POU2F1: variants seen among roughly 807,000 people sequenced by gnomAD.
POU2F1 encodes the protein POU domain, class 2, transcription factor 1.
POU2F1 carries 16 observed loss-of-function variants against 84.9 expected under a neutral mutation model. The observed-to-expected ratio is 0.19, with a 90% CI of 0.13 to 0.29. The LOEUF (loss-of-function observed/expected upper bound fraction) is 0.29. POU2F1 is among the 10% of genes least tolerant of loss of function. POU2F1 has a pLI of 1.00. For synonymous variants in POU2F1, 368 were observed against 368.3 expected, an observed-to-expected ratio of 1.00 and a Z score of 0.01; for missense variants, 738 against 942.6, an observed-to-expected ratio of 0.78 and a Z score of 2.84.
At chr1:167,293,364 A>G (rs1349892835) in intron 1 of POU2F1, among the ~76,000 whole-genome samples, 1 of 152,134 alleles carries the variant, frequency 6.6e-6, no homozygotes, top group Non-Finnish European at 1.5e-5. Context: ...CAAGAACCCA[A>G]TCCCCTTTAC....
At chr1:167,405,915 A>G (rs1557964271) in intron 13 of POU2F1, among the ~76,000 whole-genome samples, 2 of 152,258 alleles carry the variant, frequency 1.3e-5, no homozygotes, top group Non-Finnish European at 2.9e-5. Context: ...GACAACTGAG[A>G]TAAACTAGAA....
chr1:167,321,792 T>G (rs1308594182), intron 1 of POU2F1, among the ~76,000 whole-genome samples: 12 of 152,196 alleles, frequency 7.9e-5, no homozygotes, highest in Admixed American at 7.9e-4. Flanking sequence ...TGCAGATTTT[T>G]TCCTAGTCCC....
chr1:167,316,476 AC>A (rs1349758529), intron 1 of POU2F1, among the ~76,000 whole-genome samples: 1 of 152,230 alleles, frequency 6.6e-6, no homozygotes, highest in Non-Finnish European at 1.5e-5. Context: ...GGATAGGTAG[AC>A]TTTTCACGAA....
At chr1:167,222,146 G>A (rs1465079233) in intron 1 of POU2F1, among the ~76,000 whole-genome samples, 1 of 152,136 alleles carries the variant, frequency 6.6e-6, no homozygotes, top group African/African-American at 2.4e-5. Context: ...GTAAAGGGCT[G>A]CCCTCCTGCC....
chr1:167,313,141 G>A lies in POU2F1; in HGVS notation c.62-19329G>A, dbSNP rs375097842. On this transcript the variant is annotated intron_variant, in intron 1 of 15. Transcript: ENST00000367866. ...CCAACAAAACATGTACAGGAAGTGC[G>A]TGCTGAGAACCACAAAATGCTGATG... Among the ~76,000 whole-genome samples, 13 of 152,286 alleles carry A rather than the reference G, an allele frequency of 8.5e-5. No individual in the cohort carries two copies. The East Asian group carries it at 1.3e-3, about 16-fold the overall frequency.
In POU2F1 at chr1:167,412,226, C is replaced by A. The variant is rs1181359618; in HGVS notation, c.1823C>A (p.Ala608Glu). 1 of 1,607,316 alleles carries A rather than the reference C, an allele frequency of 6.2e-7. No individual in the cohort carries two copies. Among genetic ancestry groups the A allele is most frequent in the Non-Finnish European group, 8.5e-7 (1 of 1,176,646 alleles). The change falls in exon 14 of 16, where the codon GCA (alanine) becomes GAA (glutamate). Residue 608 changes from alanine to glutamate, a missense_variant. By Grantham distance (107) the Ala-to-Glu change is moderately radical. Around this residue, in one of 4 missense-constraint regions of POU2F1, gnomAD observed 319 missense variants for 386.0 expected, o/e 0.83. Coordinates refer to ENST00000367866, the MANE Select transcript of POU2F1 (RefSeq NM_002697.4). ...AALQGAAQLP[A>E]NASLAAMAAA... ...CTTCAAGGAGCTGCACAGTTGCCAG[C>A]AAATGCCAGTCTTGCTGCCATGGCA...
intron 1 of POU2F1, among the ~76,000 whole-genome samples, chr1:167,319,542 A>C (rs1001123443): frequency 6.6e-6 from 1 of 152,050 alleles, no homozygotes; most frequent in African/African-American, 2.4e-5. Context: ...TGAGAATTAC[A>C]TGGGATACCA....
intron 1 of POU2F1, among the ~76,000 whole-genome samples, chr1:167,326,310 T>A (rs1656704527): frequency 6.6e-6 from 1 of 152,212 alleles, no homozygotes; most frequent in Non-Finnish European, 1.5e-5. Context: ...ACGGGTGTTC[T>A]TTCTAGGTTA....
Position 167,411,967 on chromosome 1 carries a change from G to C in POU2F1, c.1564G>C (p.Asp522His). 6.2e-7 allele frequency: 1 copy of C among 1,611,490 alleles called. No individual in the cohort carries two copies. The highest frequency in any genetic ancestry group is 8.5e-7 in the Non-Finnish European group (1 of 1,178,200). Residue 522 changes from aspartate (D) to histidine (H), a missense_variant, in exon 14 of 16, where the codon GAC (aspartate) becomes CAC (histidine). Around this residue, in one of 4 missense-constraint regions of POU2F1, gnomAD observed 319 missense variants for 386.0 expected, o/e 0.83. Transcript: ENST00000367866. ...VTNLSVTGTSDTTSNNTATVI... is the reference protein window; with the variant it reads ...VTNLSVTGTSHTTSNNTATVI... ...TCTGTTTGTCTTTTCAGGCACTTCA[G>C]ACACCACCTCCAACAACACAGCAAC...
chr1:167,269,758 C>G (rs1452948133), intron 1 of POU2F1, among the ~76,000 whole-genome samples: 1 of 151,966 alleles, frequency 6.6e-6, no homozygotes, highest in Admixed American at 6.6e-5. Flanking sequence ...ACTAAAAATA[C>G]AAAAATTAGC....
chr1:167,383,888 A>G lies in POU2F1; in HGVS notation c.750A>G (p.Gln250=), dbSNP rs773216191. ...GLLQAQNLLT[Q]LPQQSQANLL... ...TGCAAGCGCAAAATCTTCTAACGCA[A>G]CTACCTCAGCAAAGCCAAGCCAACC... Residue 250 remains glutamine (Q), a synonymous_variant, in exon 8 of 16, where the codon CAA becomes CAG. Transcript: ENST00000367866. The G allele has an allele frequency of 1.2e-6, 2 of 1,613,920 alleles. No homozygotes were observed. The highest frequency in any genetic ancestry group is 8.5e-7 in the Non-Finnish European group (1 of 1,179,870).
chr1:167,360,852 T>A (rs1434108331), intron 2 of POU2F1, among the ~76,000 whole-genome samples: 1 of 152,216 alleles, frequency 6.6e-6, no homozygotes, highest in Non-Finnish European at 1.5e-5. Flanking sequence ...TATTTGTTTG[T>A]GTCGTCTGTG....
At chr1:167,225,356 G>A (rs1341713997) in intron 1 of POU2F1, among the ~76,000 whole-genome samples, 2 of 152,148 alleles carry the variant, frequency 1.3e-5, no homozygotes, top group East Asian at 1.9e-4. Flanking sequence ...AAAACAAACC[G>A]TAGCTATTAT....
In POU2F1 at chr1:167,337,907, G is replaced by C. The variant is rs1015147472; in HGVS notation, c.127+5372G>C. On this transcript the variant is annotated intron_variant, in intron 2 of 15. Coordinates refer to ENST00000367866, the MANE Select transcript of POU2F1 (RefSeq NM_002697.4). ...TACTGTTTTGTGCAGATGCAATCGG[G>C]TTTATGATCAGGACAGCCCTATCTA... 1.7e-5 allele frequency: 6 copies of C among 348,448 alleles called. No individual in the cohort carries two copies. In the East Asian group the frequency reaches 4.5e-4, roughly 26 times the overall value. The allele number at this position is 348,448 out of a possible 1,614,324, so 21.6% of individuals were successfully genotyped here.
chr1:167,320,728 G>GA (rs975369241), intron 1 of POU2F1, among the ~76,000 whole-genome samples: 10 of 152,142 alleles, frequency 6.6e-5, no homozygotes, highest in African/African-American at 1.9e-4. Context: ...ATGCTGAGTT[G>GA]AAAAAATTAG....
intron 2 of POU2F1, among the ~76,000 whole-genome samples, chr1:167,345,493 G>A (rs1408228022): frequency 6.6e-6 from 1 of 152,192 alleles, no homozygotes; most frequent in Non-Finnish European, 1.5e-5. Context: ...CTATCAGCAG[G>A]ATTTGTAGCA....
At chr1:167,226,677 G>A (rs1434224185) in intron 1 of POU2F1, among the ~76,000 whole-genome samples, 1 of 152,196 alleles carries the variant, frequency 6.6e-6, no homozygotes, top group Non-Finnish European at 1.5e-5. Context: ...GTTCTGATTT[G>A]AAGATGCTCC....
At chr1:167,244,168 A>C (rs1260570805) in intron 1 of POU2F1, among the ~76,000 whole-genome samples, 19 of 152,200 alleles carry the variant, frequency 1.2e-4, no homozygotes. Flanking sequence ...TTGGGAGTAC[A>C]TTTTAGATTA....
At position 167,356,240 on chromosome 1, in the gene POU2F1, G is replaced by A. The variant is rs547310739; in HGVS notation, c.128-9227G>A. ...GCTGGTCTCTACTCCTGGGCTCAAG[G>A]GATCTGCCCGCCCTGGCTCACGCCT... On this transcript the variant is annotated intron_variant, in intron 2 of 15. Transcript: ENST00000367866. 3.5e-4 allele frequency among the ~76,000 whole-genome samples: 53 copies of A among 149,954 alleles called. No individual in the cohort carries two copies. The South Asian group carries it at 5.3e-3, about 15-fold the overall frequency.
Sources: allele counts gnomAD v4.1 joint callset (sites outside exome capture counted in the v4.1 genomes callset), GRCh38; gene constraint gnomAD v4.1.1; regional missense constraint gnomAD v4.1.1; transcripts MANE v1.5; gene names NCBI Gene and HGNC (gene_info 2026-07-23, HGNC 2026-07-21).